Variants in CSNK1G2 observed in about 807,000 individuals in gnomAD.
CSNK1G2 encodes the protein casein kinase I isoform gamma-2.
In CSNK1G2, 11 loss-of-function variants were observed where a neutral mutation model predicts 48.0. The ratio of observed to expected loss-of-function variants is 0.23; its 90% CI spans 0.14 to 0.38. The LOEUF (loss-of-function observed/expected upper bound fraction) is 0.38, where lower values mean the gene tolerates loss of function less well. Among genes scored for constraint, CSNK1G2 ranks in the 10% least tolerant of loss-of-function variants. The pLI, the probability that CSNK1G2 is intolerant of heterozygous loss-of-function variation, is 1.00. For synonymous variants in CSNK1G2, 337 were observed against 254.1 expected (o/e 1.33, Z -3.10); for missense variants, 446 against 595.5 (o/e 0.75, Z 2.61).
At chr19:1,954,034 A>T (rs1332759651) in intron 1 of CSNK1G2, 2 of 527,042 alleles carry the variant, frequency 3.8e-6, no homozygotes, top group Admixed American at 3.9e-5. Flanking sequence ...GGCCCTGCCC[A>T]TCCCTGGCGT....
At chr19:1,955,249 C>T (rs1258478247) in intron 1 of CSNK1G2, among the ~76,000 whole-genome samples, 1 of 152,126 alleles carries the variant, frequency 6.6e-6, no homozygotes, top group Non-Finnish European at 1.5e-5. Context: ...GCCCTGTGCC[C>T]ACGGAACACA....
chr19:1,965,957 T>C (rs548810461), intron 1 of CSNK1G2, among the ~76,000 whole-genome samples: 38 of 152,220 alleles, frequency 2.5e-4, no homozygotes, highest in African/African-American at 8.9e-4. Context: ...CCGCCATGAC[T>C]GGCTAATTTT....
chr19:1,954,429 G>A (rs919227314), intron 1 of CSNK1G2: 2 of 178,288 alleles, frequency 1.1e-5, no homozygotes, highest in Non-Finnish European at 1.2e-5. Flanking sequence ...GGGCAGGGCC[G>A]GCCTGGACAG....
At position 1,978,190 on chromosome 19, in the gene CSNK1G2, T is replaced by C. The variant is rs1206925280; in HGVS notation, c.188-115T>C. On this transcript the variant is annotated intron_variant, in intron 2 of 11. Coordinates refer to ENST00000255641, the MANE Select transcript of CSNK1G2 (RefSeq NM_001319.7). This position sits in a 1 kb window ranked among gnomAD's most constrained non-coding sequence, Gnocchi z 7.3. ...GCCCTGCTGCTGGGCAGTGGTGTCA[T>C]TTGGAGGGTGGTCCTTCAGGGACCC... 9.6e-7 allele frequency: 1 copy of C among 1,037,880 alleles called. No homozygotes were observed. The highest frequency in any genetic ancestry group is 1.3e-5 in the South Asian group (1 of 75,536). 64.3% of individuals were successfully genotyped at this position (1,037,880 alleles called of 1,614,324 possible).
rs1301167777 is a variant in CSNK1G2, at chr19:1,978,260, AG to A, written c.188-43del. The A allele has an allele frequency of 6.2e-7, 1 of 1,607,912 alleles. No homozygotes were observed. The highest frequency in any genetic ancestry group is 1.3e-5 in the African/African-American group (1 of 74,790). ...GGGGTGGGCTGGGGAGGTCGGGGCT[AG>A]GTGGGCCCTGCGCTGGCGGTGCTGA... On this transcript the variant is annotated intron_variant, in intron 2 of 11. Coordinates refer to ENST00000255641, the MANE Select transcript of CSNK1G2 (RefSeq NM_001319.7). This position sits in a 1 kb window ranked among gnomAD's most constrained non-coding sequence, Gnocchi z 7.3.
chr19:1,961,325 C>T (rs537604958), intron 1 of CSNK1G2, among the ~76,000 whole-genome samples: 3 of 152,334 alleles, frequency 2.0e-5, no homozygotes, highest in Non-Finnish European at 2.9e-5. Context: ...CAGTGGTCAG[C>T]GCTGCTGCTT....
intron 2 of CSNK1G2, among the ~76,000 whole-genome samples, chr19:1,970,884 C>T (rs1209997265): frequency 1.3e-5 from 2 of 151,274 alleles, no homozygotes; most frequent in Non-Finnish European, 3.0e-5. Context: ...GCACCCATGG[C>T]AGGCGGTGCC....
intron 1 of CSNK1G2, among the ~76,000 whole-genome samples, chr19:1,955,525 C>CGGGGTGGGTGTGTGCCTGGGTGAGGCTCT (rs1568186997): frequency 1.3e-5 from 2 of 148,170 alleles, no homozygotes; most frequent in Middle Eastern, 3.4e-3. Context: ...GGTGAGGCTC[C>CGGGGTGGGTGTGTGCCTGGGTGAGGCTCT]GCGGGGTGGG....
rs776152304 is a variant in CSNK1G2, at chr19:1,979,252, G to C, written c.768+4G>C. 10 of 1,560,314 alleles carry C rather than the reference G, an allele frequency of 6.4e-6. No homozygotes were observed. The South Asian group carries it at 1.1e-4, about 17-fold the overall frequency. On this transcript the variant is annotated splice_donor_region_variant and intron_variant, in intron 7 of 11. Coordinates refer to ENST00000255641, the MANE Select transcript of CSNK1G2 (RefSeq NM_001319.7). ...CCTCCCCTGGCAGGGGCTCAAGGTG[G>C]GCGAGGAGGCCGGGCAGGCGGGCGG...
chr19:1,977,581 C>T (rs985731334), intron 2 of CSNK1G2, among the ~76,000 whole-genome samples: 4 of 152,132 alleles, frequency 2.6e-5, no homozygotes, highest in Non-Finnish European at 2.9e-5. Flanking sequence ...GGAGAAACCC[C>T]GTCTCTACTA....
chr19:1,965,018 G>A (rs531619155), intron 1 of CSNK1G2, among the ~76,000 whole-genome samples: 107 of 150,352 alleles, frequency 7.1e-4, no homozygotes, highest in African/African-American at 2.2e-3. Flanking sequence ...GAGCCACCGC[G>A]CCTGGCCAAA....
At chr19:1,974,278 CTTCTTGCCATGTCA>C (rs1400736139) in intron 2 of CSNK1G2, among the ~76,000 whole-genome samples, 1 of 152,118 alleles carries the variant, frequency 6.6e-6, no homozygotes, top group Non-Finnish European at 1.5e-5. Context: ...TGGCAAAGAC[CTTCTTGCCATGTCA>C]TGGCAAGAAG....
intron 1 of CSNK1G2, among the ~76,000 whole-genome samples, chr19:1,960,922 G>GC (rs1327524790): frequency 1.4e-4 from 22 of 152,334 alleles, no homozygotes; most frequent in African/African-American, 5.1e-4. Flanking sequence ...GGACGTTTCA[G>GC]CCCCCTCTTC....
At chr19:1,953,844 T>C (rs771078399) in intron 1 of CSNK1G2, 1 of 532,090 alleles carries the variant, frequency 1.9e-6, no homozygotes, top group Admixed American at 1.9e-5. Context: ...GTTCTTTACC[T>C]GGACTCTTGC....
At chr19:1,941,580 A>C in intron 1 of CSNK1G2, among the ~76,000 whole-genome samples, 162 bp downstream of exon 1, 1 of 134,628 alleles carries the variant, frequency 7.4e-6, no homozygotes. Flanking sequence ...AACCCGTCTA[A>C]CCGCCCCGCA....
intron 2 of CSNK1G2, among the ~76,000 whole-genome samples, chr19:1,976,561 T>G (rs1305402556): frequency 6.6e-6 from 1 of 152,208 alleles, no homozygotes; most frequent in Non-Finnish European, 1.5e-5. Flanking sequence ...GAAGAGGCTC[T>G]CAGGGCCCAG....
chr19:1,979,255 G>T lies in CSNK1G2; in HGVS notation c.768+7G>T. ...CCCCTGGCAGGGGCTCAAGGTGGGCGAGGAGGCCGGGCAGGCGGGCGGGGA... is the reference window on the plus strand; with the variant it reads ...CCCCTGGCAGGGGCTCAAGGTGGGCTAGGAGGCCGGGCAGGCGGGCGGGGA... On this transcript the variant is annotated splice_region_variant and intron_variant, in intron 7 of 11. Transcript: ENST00000255641. 1 of 1,561,946 alleles carries T rather than the reference G, an allele frequency of 6.4e-7. No homozygotes were observed.
chr19:1,942,538 C>CATGCAGG (rs2014406093), intron 1 of CSNK1G2: 1 of 152,352 alleles, frequency 6.6e-6, no homozygotes, highest in African/African-American at 2.4e-5. Context: ...CACCCCAGGA[C>CATGCAGG]ATGCAGGAGC....
intron 1 of CSNK1G2, chr19:1,959,144 C>T (rs1280803858): frequency 2.6e-5 from 4 of 152,076 alleles, no homozygotes; most frequent in Non-Finnish European, 5.9e-5. Context: ...GGCTGTGTCT[C>T]TGTCTGTGCC....
Sources: gnomAD v4.1 joint callset for allele counts (sites outside exome capture counted in the v4.1 genomes callset) on GRCh38, gnomAD v4.1.1 for gene constraint, Gnocchi (gnomAD v3.1) non-coding constraint, MANE v1.5 for transcripts, NCBI Gene and HGNC (gene_info 2026-07-23, HGNC 2026-07-21) for gene names.